SP140L: variants seen among roughly 807,000 people sequenced by gnomAD.
The protein encoded by SP140L is SP140 like nuclear body protein, also known as nuclear body protein SP140-like protein.
In SP140L, 64 loss-of-function variants were observed where a neutral mutation model predicts 84.3. That is an observed-to-expected ratio of 0.76 (90% CI 0.62 to 0.94). The LOEUF is 0.94. Among genes scored for constraint, SP140L ranks in the 40% least tolerant of loss-of-function variants. The pLI, the probability that SP140L is intolerant of heterozygous loss-of-function variation, is 0.00. For synonymous variants in SP140L, 242 were observed against 236.9 expected (o/e 1.02, Z -0.20); for missense variants, 628 against 692.5 (o/e 0.91, Z 1.05).
At chr2:230,349,879 C>T (rs936047128) in intron 2 of SP140L, among the ~76,000 whole-genome samples, 2 of 152,074 alleles carry the variant, frequency 1.3e-5, no homozygotes, top group Non-Finnish European at 2.9e-5. Context: ...AGTGGTAGCA[C>T]ATGCCTGTAA....
At chr2:230,328,900 A>C in intron 2 of SP140L, 69 bp downstream of exon 2, 1 of 1,539,266 alleles carries the variant, frequency 6.5e-7, no homozygotes, top group South Asian at 1.2e-5. Flanking sequence ...ACAGCTTTTC[A>C]TGTTTCTTGG....
intron 2 of SP140L, among the ~76,000 whole-genome samples, chr2:230,334,366 T>G (rs1007123983): frequency 1.3e-5 from 2 of 152,246 alleles, no homozygotes; most frequent in Non-Finnish European, 2.9e-5. Flanking sequence ...TCCTTTCCTC[T>G]CCTGTTCCCT....
chr2:230,389,866 G>T, intron 10 of SP140L, 53 bp from the exon 11 acceptor site: 2 of 1,533,140 alleles, frequency 1.3e-6, no homozygotes, highest in South Asian at 1.1e-5. Context: ...TCAGTGGGAA[G>T]GGGGGATGTG....
chr2:230,379,401 C>T (rs1228609554), intron 7 of SP140L, among the ~76,000 whole-genome samples: 1 of 151,878 alleles, frequency 6.6e-6, no homozygotes, highest in East Asian at 1.9e-4. Context: ...TTAATCATGC[C>T]CCAAACCCCA....
At chr2:230,381,548 T>G (rs1302697113) in intron 7 of SP140L, among the ~76,000 whole-genome samples, 2 of 152,200 alleles carry the variant, frequency 1.3e-5, no homozygotes, top group African/African-American at 2.4e-5. Context: ...ATTTGATTTG[T>G]TAAATGTTGT....
intron 2 of SP140L, among the ~76,000 whole-genome samples, chr2:230,351,655 A>C (rs2060367129): frequency 6.6e-6 from 1 of 152,042 alleles, no homozygotes; most frequent in Non-Finnish European, 1.5e-5. Flanking sequence ...TATTTTATCC[A>C]GGTTTTTTTT....
At chr2:230,400,266 C>T (rs1219813311) in intron 15 of SP140L, 24 bp downstream of exon 15, 1 of 1,610,670 alleles carries the variant, frequency 6.2e-7, no homozygotes, top group Non-Finnish European at 8.5e-7. Flanking sequence ...AGGCACCTCT[C>T]TTTCATCCTT....
intron 5 of SP140L, among the ~76,000 whole-genome samples, chr2:230,370,494 T>A (rs1174515854): frequency 6.6e-6 from 1 of 152,204 alleles, no homozygotes; most frequent in Non-Finnish European, 1.5e-5. Context: ...AACTGGAAGA[T>A]AATAAAATAC....
intron 14 of SP140L, among the ~76,000 whole-genome samples, chr2:230,399,237 C>T (rs1366629901): frequency 6.6e-6 from 1 of 152,112 alleles, no homozygotes; most frequent in Non-Finnish European, 1.5e-5. Flanking sequence ...GGGATTTGTT[C>T]CACAACACAT....
rs1183221748 is a variant in SP140L, at chr2:230,400,211, G to T, written c.1282G>T (p.Asp428Tyr). Reference protein sequence around the residue: ...CDTCSRVFHEDCHIPPVESEK... With the variant: ...CDTCSRVFHEYCHIPPVESEK... ...CACTTGTTCAAGAGTCTTCCATGAGGACTGCCACATCCCACCTGTGGAAAG... is the reference window on the plus strand; with the variant it reads ...CACTTGTTCAAGAGTCTTCCATGAGTACTGCCACATCCCACCTGTGGAAAG... Residue 428 changes from aspartate (D) to tyrosine (Y), a missense_variant, in exon 15 of 19, where the codon GAC becomes TAC. Transcript: ENST00000415673. 3 of 1,614,050 alleles carry T rather than the reference G, an allele frequency of 1.9e-6. No individual in the cohort carries two copies. The highest frequency in any genetic ancestry group is 2.5e-6 in the Non-Finnish European group (3 of 1,180,026).
intron 9 of SP140L, among the ~76,000 whole-genome samples, chr2:230,386,793 G>T (rs539686832): frequency 1.3e-5 from 2 of 152,284 alleles, no homozygotes; most frequent in Non-Finnish European, 2.9e-5. Context: ...TCCCAGAAAA[G>T]ATGTAACCAG....
chr2:230,358,790 T>C (rs2060626937), intron 3 of SP140L, among the ~76,000 whole-genome samples, 174 bp from the exon 4 acceptor site: 1 of 152,186 alleles, frequency 6.6e-6, no homozygotes, highest in African/African-American at 2.4e-5. Flanking sequence ...TTTAAGGAGA[T>C]GGGATTTACT....
At chr2:230,327,808 C>G (rs1189741293) in intron 1 of SP140L, among the ~76,000 whole-genome samples, 1 of 152,188 alleles carries the variant, frequency 6.6e-6, no homozygotes, top group African/African-American at 2.4e-5. Context: ...TTTCACCTGT[C>G]TTGGCAAGGG....
rs1006934979 is a variant in SP140L, at chr2:230,380,188, T to C, written c.638-3322T>C. Among the ~76,000 whole-genome samples the C allele has an allele frequency of 2.0e-5, 3 of 152,250 alleles. No individual in the cohort carries two copies. In the East Asian group the frequency reaches 5.8e-4, roughly 29 times the overall value. The stretch of plus-strand genomic sequence containing the variant: ...AGGCAAAGACAGAGTGAAAAACAAG[T>C]GAAAGGGGTTTCCTTTATAAAACCA... On this transcript the variant is annotated intron_variant, in intron 7 of 18. Coordinates refer to ENST00000415673, the MANE Select transcript of SP140L (RefSeq NM_138402.6).
Position 230,357,853 on chromosome 2 carries a change from T to C in SP140L, c.156T>C (p.Thr52=). 6.2e-7 allele frequency: 1 copy of C among 1,614,092 alleles called. No individual in the cohort carries two copies. Among genetic ancestry groups the C allele is most frequent in the Non-Finnish European group, 8.5e-7 (1 of 1,179,936 alleles). ...TAGATGAGGGACTTGTCTATGACAC[T>C]GTATTCAAGCACTTCAAAAGACATA... The part of the protein sequence containing the change: ...QDVDEGLVYD[T]VFKHFKRHKL... Residue 52 remains threonine (T), a synonymous_variant, in exon 3 of 19, where the codon ACT becomes ACC. Coordinates refer to ENST00000415673, the MANE Select transcript of SP140L (RefSeq NM_138402.6).
rs2061682617 is a variant in SP140L, at chr2:230,388,614, GAA to G, written c.843_844del (p.Arg282SerfsTer12). On this transcript the variant is annotated frameshift_variant, in exon 10 of 19. Coordinates refer to ENST00000415673, the MANE Select transcript of SP140L (RefSeq NM_138402.6). LOFTEE classifies it high-confidence loss of function. ...HFTQSDRAPQ[K>X]RVRSRASRKH... ...TTACTCAGAGTGACAGAGCTCCACAGAAAAGAGTCCGATCAAGAGGTAAAAAA... is the reference window on the plus strand; with the variant it reads ...TTACTCAGAGTGACAGAGCTCCACAGAAGAGTCCGATCAAGAGGTAAAAAA... 6.2e-7 allele frequency: 1 copy of G among 1,609,584 alleles called. No individual in the cohort carries two copies. Among genetic ancestry groups the G allele is most frequent in the Non-Finnish European group, 8.5e-7 (1 of 1,178,604 alleles).
At chr2:230,393,829 T>C (rs770371885) in intron 13 of SP140L, among the ~76,000 whole-genome samples, 1 of 152,214 alleles carries the variant, frequency 6.6e-6, no homozygotes, top group African/African-American at 2.4e-5. Flanking sequence ...CATCTCCAAC[T>C]CAAAATCAGA....
At chr2:230,388,304 G>T (rs998827740) in intron 9 of SP140L, among the ~76,000 whole-genome samples, 1 of 152,082 alleles carries the variant, frequency 6.6e-6, no homozygotes. Flanking sequence ...TATTTATACT[G>T]TTGTTTGAGT....
intron 7 of SP140L, among the ~76,000 whole-genome samples, chr2:230,378,831 G>C (rs190152265): frequency 6.6e-6 from 1 of 151,890 alleles, no homozygotes; most frequent in Non-Finnish European, 1.5e-5. Flanking sequence ...TTTAAATATG[G>C]GTTCATAGTA....
Sources: gnomAD v4.1 joint callset for allele counts (sites outside exome capture counted in the v4.1 genomes callset) on GRCh38, gnomAD v4.1.1 for gene constraint, MANE v1.5 for transcripts, NCBI Gene and HGNC (gene_info 2026-07-23, HGNC 2026-07-21) for gene names.